XRCC2: variants seen among roughly 807,000 people sequenced by gnomAD.
The protein encoded by XRCC2 is X-ray repair cross complementing 2.
Under a neutral mutation model 27.3 loss-of-function variants are expected in XRCC2, and 24 were observed. That is an observed-to-expected ratio of 0.88 (90% CI 0.64 to 1.24). XRCC2 has a LOEUF of 1.24. Among genes scored for constraint, XRCC2 ranks in the 50% most tolerant of loss-of-function variants. The probability of loss-of-function intolerance (pLI) is 0.00; values close to 1 mark genes in which losing one functional copy is unlikely to be tolerated. For missense variants in XRCC2, 321 were observed against 325.8 expected (o/e 0.99, Z 0.11); for synonymous variants, 106 against 115.4 (o/e 0.92, Z 0.52).
chr7:152,669,800 A>G (rs979912507), intron 1 of XRCC2, among the ~76,000 whole-genome samples: 4 of 151,986 alleles, frequency 2.6e-5, no homozygotes, highest in African/African-American at 9.7e-5. Flanking sequence ...GCTGTTTTCA[A>G]CAAAACTGAT....
intron 1 of XRCC2, among the ~76,000 whole-genome samples, chr7:152,672,654 C>G (rs1370920277): frequency 6.6e-6 from 1 of 152,134 alleles, no homozygotes; most frequent in African/African-American, 2.4e-5. Context: ...TAGAAAATTC[C>G]TGGAAGAATG....
At chr7:152,669,477 C>T (rs578022450) in intron 1 of XRCC2, among the ~76,000 whole-genome samples, 4 of 152,092 alleles carry the variant, frequency 2.6e-5, no homozygotes, top group Non-Finnish European at 2.9e-5. Flanking sequence ...GGCACAATCT[C>T]GGCTCACTGC....
chr7:152,657,169 G>A (rs3218487), intron 2 of XRCC2, among the ~76,000 whole-genome samples: 125,144 of 148,172 alleles, frequency 0.84, 53,379 homozygotes, highest in Non-Finnish European at 0.91. Context: ...CCAGGAGGAG[G>A]AGGTTGCAGT....
intron 1 of XRCC2, among the ~76,000 whole-genome samples, chr7:152,663,430 T>A (rs1330396057): frequency 6.6e-6 from 1 of 150,724 alleles, no homozygotes; most frequent in Non-Finnish European, 1.5e-5. Context: ...TTCTTTGTGA[T>A]GACATGAGAA....
chr7:152,657,424 C>T (rs1231833321), intron 2 of XRCC2, among the ~76,000 whole-genome samples: 4 of 151,658 alleles, frequency 2.6e-5, no homozygotes, highest in Non-Finnish European at 5.9e-5. Flanking sequence ...CTCAGCCCCC[C>T]GAGTAGCTGG....
At chr7:152,654,253 C>T (rs953903946) in intron 2 of XRCC2, among the ~76,000 whole-genome samples, 5 of 148,400 alleles carry the variant, frequency 3.4e-5, no homozygotes, top group South Asian at 2.1e-4. Context: ...CTGGTTATAG[C>T]AGACTGGGAG....
intron 1 of XRCC2, among the ~76,000 whole-genome samples, chr7:152,663,373 A>AAAAAAAAAAAAAAAAAAAAT (rs71182011): frequency 1.4e-5 from 2 of 143,644 alleles, no homozygotes; most frequent in Non-Finnish European, 3.0e-5. Context: ...AAAAAAAAAA[A>AAAAAAAAAAAAAAAAAAAAT]GACTGCTTTT....
chr7:152,672,779 T>C (rs1040264429), intron 1 of XRCC2, among the ~76,000 whole-genome samples: 37 of 152,196 alleles, frequency 2.4e-4, no homozygotes, highest in Admixed American at 2.4e-3. Flanking sequence ...GCTTTAATAA[T>C]AAATATAATG....
intron 1 of XRCC2, among the ~76,000 whole-genome samples, chr7:152,670,502 G>A (rs991541089): frequency 1.1e-4 from 16 of 152,158 alleles, no homozygotes; most frequent in Non-Finnish European, 1.9e-4. Context: ...ACAGAAGTCC[G>A]TGAGTACACA....
intron 1 of XRCC2, among the ~76,000 whole-genome samples, chr7:152,665,813 G>A (rs551571790): frequency 4.3e-4 from 65 of 152,156 alleles, no homozygotes; most frequent in African/African-American, 1.4e-3. Context: ...CCACATTGTA[G>A]TTAGCCTTTA....
rs1001650211 is a variant in XRCC2 at position 152,647,432 on chromosome 7, T to C, written c.*1210A>G. 6.6e-6 allele frequency: 1 copy of C among 152,252 alleles called. No homozygotes were observed. Among genetic ancestry groups the C allele is most frequent in the Non-Finnish European group, 1.5e-5 (1 of 68,042 alleles). The allele number at this position is 152,252 out of a possible 1,614,324, so 9.4% of individuals were successfully genotyped here. A position where few individuals can be genotyped will look rare whatever the true frequency, so the allele number is the denominator to read the frequency against. The stretch of plus-strand genomic sequence containing the variant: ...TCCCATTTGTGAATTTTTGCTTCTG[T>C]TGCAATTGTTTTTGGCGTCTTCGTC... On this transcript the variant is annotated 3_prime_UTR_variant, in exon 3 of 3. Coordinates refer to ENST00000359321, the MANE Select transcript of XRCC2 (RefSeq NM_005431.2).
At chr7:152,664,092 T>G (rs1563031731) in intron 1 of XRCC2, 1 of 152,228 alleles carries the variant, frequency 6.6e-6, no homozygotes, top group Non-Finnish European at 1.5e-5. Flanking sequence ...TGGGAGAATT[T>G]AGCACTGTTG....
chr7:152,653,922 G>A (rs1014479096), intron 2 of XRCC2, among the ~76,000 whole-genome samples: 2 of 152,236 alleles, frequency 1.3e-5, no homozygotes, highest in South Asian at 2.1e-4. Flanking sequence ...TAAGCCGGGC[G>A]CGGTGGCTCA....
chr7:152,650,001 G>T (rs1433642156), intron 2 of XRCC2, among the ~76,000 whole-genome samples: 1 of 152,178 alleles, frequency 6.6e-6, no homozygotes, highest in East Asian at 1.9e-4. Flanking sequence ...GGCACACGGA[G>T]CCCCCACCAG....
At position 152,675,139 on chromosome 7, in the gene XRCC2, C is replaced by T. The variant is rs562531160; in HGVS notation, c.39+902G>A. Among the ~76,000 whole-genome samples, 7 of 152,292 alleles carry T rather than the reference C, an allele frequency of 4.6e-5. No individual in the cohort carries two copies. The South Asian group carries it at 1.4e-3, about 32-fold the overall frequency. ...CTTCCCAACCTATTGTCCCTCACTC[C>T]CTTTGTTCCAATTTTACAGAAATAC... On this transcript the variant is annotated intron_variant, in intron 1 of 2. Coordinates refer to ENST00000359321, the MANE Select transcript of XRCC2 (RefSeq NM_005431.2).
chr7:152,652,114 G>A (rs2098028777), intron 2 of XRCC2, among the ~76,000 whole-genome samples: 1 of 151,536 alleles, frequency 6.6e-6, no homozygotes, highest in African/African-American at 2.4e-5. Flanking sequence ...GGTGAGCCAT[G>A]ATCATGCCAC....
intron 1 of XRCC2, among the ~76,000 whole-genome samples, chr7:152,664,585 T>C (rs1434037162): frequency 6.6e-6 from 1 of 152,192 alleles, no homozygotes; most frequent in East Asian, 1.9e-4. Context: ...TTTAAAGCCC[T>C]GGACTGGGAG....
chr7:152,648,877 G>C lies in XRCC2; in HGVS notation c.608C>G (p.Ser203Trp). The C allele has an allele frequency of 6.2e-7, 1 of 1,614,094 alleles. No homozygotes were observed. The highest frequency in any genetic ancestry group is 8.5e-7 in the Non-Finnish European group (1 of 1,180,012). The change falls in exon 3 of 3, where the codon TCG becomes TGG. Residue 203 changes from serine (S) to tryptophan (W), a missense_variant. By Grantham distance (177) the Ser-to-Trp change is radical. Transcript: ENST00000359321. ...ATGAGAAGGTTCTTCTGATGAGCTCGAGGCTTTCTGCATTATAGTTTGTGT... is the reference window on the plus strand; with the variant it reads ...ATGAGAAGGTTCTTCTGATGAGCTCCAGGCTTTCTGCATTATAGTTTGTGT... ...ATTQTIMQKASSSSEEPSHAS... is the reference protein window; with the variant it reads ...ATTQTIMQKAWSSSEEPSHAS...
chr7:152,660,040 G>A (rs1051651248), intron 2 of XRCC2, among the ~76,000 whole-genome samples: 1 of 152,198 alleles, frequency 6.6e-6, no homozygotes, highest in Admixed American at 6.5e-5. Context: ...AAAGAGGCCA[G>A]TCACAGAAGA....
Sources: gnomAD v4.1 joint callset for allele counts (sites outside exome capture counted in the v4.1 genomes callset) on GRCh38, gnomAD v4.1.1 for gene constraint, MANE v1.5 for transcripts, NCBI Gene and HGNC (gene_info 2026-07-23, HGNC 2026-07-21) for gene names.